The following ODF2 variants were observed in gnomAD, a reference collection of about 807,000 sequenced individuals.
ODF2 encodes outer dense fiber protein 2.
In ODF2, 47 loss-of-function variants were observed where a neutral mutation model predicts 110.2. The observed-to-expected ratio is 0.43, with a 90% confidence interval of 0.34 to 0.54. The LOEUF (loss-of-function observed/expected upper bound fraction) is 0.54, where lower values mean the gene tolerates loss of function less well. ODF2 is among the 20% of genes least tolerant of loss of function. The probability of loss-of-function intolerance (pLI) is 0.03; values close to 1 mark genes in which losing one functional copy is unlikely to be tolerated. For missense variants in ODF2, 812 were observed against 1,054.5 expected, an observed-to-expected ratio of 0.77 and a Z score of 3.19; for synonymous variants, 352 against 397.7, an observed-to-expected ratio of 0.89 and a Z score of 1.37.
chr9:128,464,496 G>T (rs905267190), intron 4 of ODF2, among the ~76,000 whole-genome samples: 1 of 150,708 alleles, frequency 6.6e-6, no homozygotes, highest in Non-Finnish European at 1.5e-5. Flanking sequence ...GGTAGTTTGG[G>T]TTTTTTTGTT....
chr9:128,487,765 T>C (rs1221092276), intron 13 of ODF2, 125 bp from the exon 14 acceptor site: 15 of 1,145,872 alleles, frequency 1.3e-5, no homozygotes, highest in Non-Finnish European at 1.6e-5. Flanking sequence ...CCAGCCTAGG[T>C]GACAGAGCGA....
Position 128,458,487 on chromosome 9 carries a change from G to T in ODF2, c.32+1050G>T, listed in dbSNP as rs143764336. 9.1e-3 allele frequency among the ~76,000 whole-genome samples: 1,358 copies of T among 149,010 alleles called. 29 individuals carry two copies. The highest frequency in any genetic ancestry group is 0.067 in the East Asian group (339 of 5,056). On this transcript the variant is annotated intron_variant, in intron 2 of 20. Coordinates refer to ENST00000604420, the Ensembl canonical transcript of ODF2. ...AAAAAAAAAAAAAAAAAAAAGGCCA[G>T]GAGATGGATCAGATGGTTATTCCAA...
chr9:128,465,600 G>A (rs1837639696), intron 4 of ODF2, among the ~76,000 whole-genome samples: 3 of 152,048 alleles, frequency 2.0e-5, no homozygotes, highest in African/African-American at 4.8e-5. Context: ...AATTAGCTGG[G>A]CATGGTGGCA....
intron 4 of ODF2, among the ~76,000 whole-genome samples, chr9:128,467,035 A>G (rs1237873477): frequency 1.8e-5 from 2 of 112,864 alleles, no homozygotes; most frequent in East Asian, 2.5e-4. Flanking sequence ...ATATATATAT[A>G]TATATATATA....
At chr9:128,475,657 CT>C (rs1841107154) in intron 8 of ODF2, among the ~76,000 whole-genome samples, 1 of 149,078 alleles carries the variant, frequency 6.7e-6, no homozygotes, top group Non-Finnish European at 1.5e-5. Context: ...TTTTTTTTTT[CT>C]TTTTTGAGAT....
In ODF2 at chr9:128,459,358, C is replaced by T. The variant is rs572250211; in HGVS notation, c.33-209C>T. The stretch of plus-strand genomic sequence containing the variant: ...TGTGACGATATGTTAAAAGTCCAGC[C>T]TGCAAATGCCTGTCACCCTATTTCC... On this transcript the variant is annotated intron_variant, in intron 2 of 20. Transcript: ENST00000604420. Among the ~76,000 whole-genome samples, 3 of 152,306 alleles carry T rather than the reference C, an allele frequency of 2.0e-5. No individual in the cohort carries two copies. In the South Asian group the frequency reaches 6.2e-4, roughly 32 times the overall value.
At chr9:128,463,876 G>A (rs1435776439) in intron 4 of ODF2, among the ~76,000 whole-genome samples, 6 of 151,410 alleles carry the variant, frequency 4.0e-5, no homozygotes, top group Admixed American at 4.0e-4. Flanking sequence ...AAAGAGTCTC[G>A]TTTTGTCACC....
At chr9:128,500,745 A>G (rs1453276384), downstream of ODF2, 4 of 154,328 alleles carry the variant, frequency 2.6e-5, no homozygotes, top group African/African-American at 9.7e-5. Flanking sequence ...TCCCTTCCCA[A>G]GCTCAGTGCA....
chr9:128,485,414 G>A lies in ODF2; in HGVS notation c.1340G>A (p.Arg447His), dbSNP rs770189803. 1.3e-5 allele frequency: 21 copies of A among 1,611,680 alleles called. No homozygotes were observed. Among genetic ancestry groups the A allele is most frequent in the Non-Finnish European group, 1.7e-5 (20 of 1,178,192 alleles). Residue 447 changes from arginine to histidine, a missense_variant, in exon 13 of 21, where the codon CGC becomes CAC. Physicochemically the swap from Arg to His is conservative, Grantham distance 29. Coordinates refer to ENST00000604420, the Ensembl canonical transcript of ODF2. This position sits in a 1 kb window ranked among gnomAD's most constrained non-coding sequence, Gnocchi z 5.0. ...TCCACTCTGGAATCCTGGAGGAGCC[G>A]CTACAACCAAGTTGTAAAAGAAAAG...
chr9:128,479,274 A>G (rs1366726539), intron 8 of ODF2, among the ~76,000 whole-genome samples: 1 of 152,166 alleles, frequency 6.6e-6, no homozygotes, highest in Non-Finnish European at 1.5e-5. Context: ...CCCTCAAGGG[A>G]TACTTTGTTC....
chr9:128,456,268 C>G lies in ODF2; in HGVS notation c.-209+13C>G, dbSNP rs993099123. On this transcript the variant is annotated intron_variant, in intron 1 of 20. Coordinates refer to ENST00000604420, the Ensembl canonical transcript of ODF2. Reference sequence around the variant, plus strand: ...CGTGTCGCTCCTGGTGAGAGGCCGCCGGCAGGCGGGATCCAGCGCCCTCCG... The same window carrying G: ...CGTGTCGCTCCTGGTGAGAGGCCGCGGGCAGGCGGGATCCAGCGCCCTCCG... The G allele has an allele frequency of 2.6e-6, 4 of 1,529,840 alleles. No individual in the cohort carries two copies. The South Asian group carries it at 3.7e-5, about 14-fold the overall frequency. The allele number at this position is 1,529,840 out of a possible 1,614,324, so 94.8% of individuals were successfully genotyped here. A position where few individuals can be genotyped will look rare whatever the true frequency, so the allele number is the denominator to read the frequency against.
At chr9:128,481,755 A>G in intron 9 of ODF2, 104 bp downstream of exon 9, 1 of 837,290 alleles carries the variant, frequency 1.2e-6, no homozygotes, top group East Asian at 2.6e-5. Flanking sequence ...GGGCTGGAGC[A>G]TTTCGCTAGG....
At chr9:128,470,012 AAAAAAAATATAT>A (rs1839419019) in intron 5 of ODF2, among the ~76,000 whole-genome samples, 1 of 29,972 alleles carries the variant, frequency 3.3e-5, no homozygotes, top group African/African-American at 1.3e-4. Flanking sequence ...AAAAAAAAAA[AAAAAAAATATAT>A]ATATATATAT....
At chr9:128,473,494 T>C in intron 7 of ODF2, 116 bp from the exon 8 acceptor site, 1 of 1,510,092 alleles carries the variant, frequency 6.6e-7, no homozygotes, top group Non-Finnish European at 8.9e-7. Flanking sequence ...CTTGGCACTG[T>C]ACACAGCCTG....
chr9:128,456,302 C>G (rs761970263), intron 1 of ODF2, 47 bp downstream of exon 1: 53 of 1,494,578 alleles, frequency 3.5e-5, no homozygotes, highest in South Asian at 9.0e-5. Context: ...CGGGGCACCG[C>G]GGGCGAGACC....
chr9:128,477,712 TC>T (rs1841597121), intron 8 of ODF2, among the ~76,000 whole-genome samples: 1 of 151,740 alleles, frequency 6.6e-6, no homozygotes, highest in South Asian at 2.1e-4. Context: ...TTCAAGAGAT[TC>T]TCCTGCCTCA....
chr9:128,477,373 A>G (rs1305139982), intron 8 of ODF2, among the ~76,000 whole-genome samples: 1 of 151,652 alleles, frequency 6.6e-6, no homozygotes, highest in Non-Finnish European at 1.5e-5. Context: ...ACACAGTGAG[A>G]CTTCATCTGT....
chr9:128,482,366 C>T (rs2057491819), intron 9 of ODF2, among the ~76,000 whole-genome samples: 1 of 152,202 alleles, frequency 6.6e-6, no homozygotes, highest in Admixed American at 6.5e-5. Context: ...TTATGATATA[C>T]ATCAGTAACT....
intron 3 of ODF2, chr9:128,460,143 A>C (rs779697550): frequency 7.7e-7 from 1 of 1,296,168 alleles, no homozygotes; most frequent in Non-Finnish European, 1.0e-6. Context: ...TTCCCACGCC[A>C]ATCTGCATGC....
Sources: allele counts gnomAD v4.1 joint callset (sites outside exome capture counted in the v4.1 genomes callset), GRCh38; gene constraint gnomAD v4.1.1; non-coding constraint Gnocchi (gnomAD v3.1); transcripts MANE v1.5; gene names NCBI Gene and HGNC (gene_info 2026-07-23, HGNC 2026-07-21).